Variants in DLG2 observed in about 807,000 individuals in gnomAD.
DLG2 encodes the protein disks large homolog 2.
A neutral mutation model predicts 132.5 loss-of-function variants in DLG2; 45 were observed. The ratio of observed to expected loss-of-function variants is 0.34; its 90% CI spans 0.27 to 0.44. DLG2 has a LOEUF of 0.44. Among genes scored for constraint, DLG2 ranks in the 20% least tolerant of loss-of-function variants. The pLI, the probability that DLG2 is intolerant of heterozygous loss-of-function variation, is 1.00. For missense variants in DLG2, 1,045 were observed against 1,196.9 expected (o/e 0.87, Z 1.87); for synonymous variants, 424 against 419.6 (o/e 1.01, Z -0.13).
At chr11:85,616,983 A>G (rs942482400) in intron 2 of DLG2, among the ~76,000 whole-genome samples, 1 of 152,226 alleles carries the variant, frequency 6.6e-6, no homozygotes, top group Non-Finnish European at 1.5e-5. Context: ...CAACAACCAG[A>G]AGACACTCCC....
rs2088745775 is a variant in DLG2, at chr11:83,455,212, T to G, written c.*4606A>C. On this transcript the variant is annotated 3_prime_UTR_variant, in exon 28 of 28. Transcript: ENST00000376104. ...GTGTGTGCTTTATTTTTTACACAAA[T>G]GGAATGGAAGTGTTGAATATTTACA... 6.6e-6 allele frequency: 1 copy of G among 152,570 alleles called. No homozygotes were observed. The highest frequency in any genetic ancestry group is 2.1e-4 in the South Asian group (1 of 4,824). The allele number at this position is 152,570 out of a possible 1,614,324, so 9.5% of individuals were successfully genotyped here.
chr11:83,960,152 ACT>A (rs1165135982), intron 14 of DLG2, among the ~76,000 whole-genome samples: 1 of 151,652 alleles, frequency 6.6e-6, no homozygotes, highest in Non-Finnish European at 1.5e-5. Flanking sequence ...TCATCTCTTG[ACT>A]CTCTGACCAA....
At chr11:83,969,087 G>A (rs1027897053) in intron 12 of DLG2, among the ~76,000 whole-genome samples, 5 of 152,088 alleles carry the variant, frequency 3.3e-5, no homozygotes, top group African/African-American at 2.4e-5. Context: ...AGAGCTCCAG[G>A]AAGTAGATAC....
chr11:84,671,735 T>A (rs1595425661), intron 6 of DLG2, among the ~76,000 whole-genome samples: 1 of 152,194 alleles, frequency 6.6e-6, no homozygotes, highest in African/African-American at 2.4e-5. Flanking sequence ...ATGACTGGTA[T>A]GGACTTCTCT....
intron 3 of DLG2, among the ~76,000 whole-genome samples, chr11:85,539,644 T>C (rs1005981072): frequency 9.9e-5 from 15 of 152,210 alleles, no homozygotes; most frequent in Non-Finnish European, 1.6e-4. Context: ...AGAGTAACTA[T>C]CTTATGTTAC....
chr11:85,457,799 G>A (rs770422553), intron 3 of DLG2, among the ~76,000 whole-genome samples: 2 of 152,108 alleles, frequency 1.3e-5, no homozygotes, highest in African/African-American at 2.4e-5. Flanking sequence ...CTGCTGAAAG[G>A]TCCACTGTTG....
chr11:84,023,545 A>G (rs960458670), intron 11 of DLG2, among the ~76,000 whole-genome samples: 10 of 152,160 alleles, frequency 6.6e-5, no homozygotes, highest in African/African-American at 1.2e-4. Context: ...CTTCTACTCT[A>G]TATAATAGTA....
chr11:83,561,564 GGAAA>G (rs1345363701), intron 19 of DLG2, among the ~76,000 whole-genome samples: 1 of 152,152 alleles, frequency 6.6e-6, no homozygotes, highest in Non-Finnish European at 1.5e-5. Flanking sequence ...GTAGCTTAGT[GGAAA>G]GAGTTTTCCA....
intron 11 of DLG2, among the ~76,000 whole-genome samples, chr11:84,028,067 C>A (rs71469612): frequency 0.063 from 9,335 of 147,668 alleles, 487 homozygotes; most frequent in African/African-American, 0.15. Flanking sequence ...AAAAAAAAAA[C>A]AAAACACCTA....
intron 8 of DLG2, among the ~76,000 whole-genome samples, chr11:84,237,966 C>T (rs1165700491): frequency 1.3e-5 from 2 of 149,182 alleles, no homozygotes; most frequent in Non-Finnish European, 3.0e-5. Context: ...CGCTTGAACC[C>T]GGGAGGCAGA....
At chr11:84,692,174 T>G (rs1424013367) in intron 6 of DLG2, among the ~76,000 whole-genome samples, 1 of 151,700 alleles carries the variant, frequency 6.6e-6, no homozygotes, top group Non-Finnish European at 1.5e-5. Context: ...TACTTAAAAT[T>G]CCCCAAACTC....
chr11:85,512,880 C>T (rs1196807836), intron 3 of DLG2, among the ~76,000 whole-genome samples: 1 of 152,038 alleles, frequency 6.6e-6, no homozygotes, highest in African/African-American at 2.4e-5. Context: ...AACAAAAAAA[C>T]TCCTGCACTC....
chr11:84,743,044 G>C (rs1385021387), intron 6 of DLG2, among the ~76,000 whole-genome samples: 4 of 152,008 alleles, frequency 2.6e-5, no homozygotes, highest in Admixed American at 6.6e-5. Context: ...TAATTCACAA[G>C]ATTTATTCAC....
chr11:85,262,228 C>T (rs186769249), intron 4 of DLG2, among the ~76,000 whole-genome samples: 57 of 152,188 alleles, frequency 3.7e-4, no homozygotes, highest in Non-Finnish European at 6.6e-4. Context: ...ATGTGGCAGG[C>T]CAGGTCTGAC....
chr11:84,125,676 C>T (rs1445728847), intron 9 of DLG2, among the ~76,000 whole-genome samples: 1 of 152,172 alleles, frequency 6.6e-6, no homozygotes, highest in Non-Finnish European at 1.5e-5. Context: ...AAGAAATAGC[C>T]ATGCAGGCAG....
At chr11:84,266,959 C>A (rs763014319) in intron 7 of DLG2, among the ~76,000 whole-genome samples, 1 of 152,188 alleles carries the variant, frequency 6.6e-6, no homozygotes, top group Non-Finnish European at 1.5e-5. Flanking sequence ...TCTTGCCCTG[C>A]AAGGAATTCA....
chr11:84,803,981 G>T (rs1426531877), intron 6 of DLG2, among the ~76,000 whole-genome samples: 1 of 152,192 alleles, frequency 6.6e-6, no homozygotes, highest in Non-Finnish European at 1.5e-5. Flanking sequence ...AGTGGTAGAT[G>T]TGAGAATTAA....
At chr11:84,080,672 T>C (rs1052557268) in intron 10 of DLG2, among the ~76,000 whole-genome samples, 1 of 152,194 alleles carries the variant, frequency 6.6e-6, no homozygotes, top group Non-Finnish European at 1.5e-5. Context: ...ATAATTCATT[T>C]TTCAATTCAT....
chr11:85,515,187 T>C (rs934408456), intron 3 of DLG2, among the ~76,000 whole-genome samples: 1 of 151,950 alleles, frequency 6.6e-6, no homozygotes, highest in South Asian at 2.1e-4. Context: ...TTTGACCTAG[T>C]CCATCCAGTA....
Sources: allele counts gnomAD v4.1 joint callset (sites outside exome capture counted in the v4.1 genomes callset), GRCh38; gene constraint gnomAD v4.1.1; transcripts MANE v1.5; gene names NCBI Gene and HGNC (gene_info 2026-07-23, HGNC 2026-07-21).